MTUS2: variants seen among roughly 807,000 people sequenced by gnomAD.
The protein encoded by MTUS2 is microtubule-associated tumor suppressor candidate 2.
MTUS2 carries 40 observed loss-of-function variants against 114.1 expected under a neutral mutation model. That is an observed-to-expected ratio of 0.35 (90% confidence interval 0.27 to 0.46). MTUS2 has a LOEUF of 0.46. Among genes scored for constraint, MTUS2 ranks in the 20% least tolerant of loss-of-function variants. The pLI, the probability that MTUS2 is intolerant of heterozygous loss-of-function variation, is 1.00. For missense variants in MTUS2, 1,679 were observed against 1,705.4 expected (o/e 0.98, Z 0.27); for synonymous variants, 688 against 672.0 (o/e 1.02, Z -0.37).
At chr13:29,302,549 C>G (rs1337332699) in intron 6 of MTUS2, among the ~76,000 whole-genome samples, 39 of 152,188 alleles carry the variant, frequency 2.6e-4, no homozygotes, top group Admixed American at 2.6e-3. Flanking sequence ...ATCCAGGGTG[C>G]CAAGCAGTGT....
intron 4 of MTUS2, among the ~76,000 whole-genome samples, chr13:29,036,160 AG>A (rs200833694): frequency 0.019 from 2,799 of 147,106 alleles, 112 homozygotes; most frequent in African/African-American, 0.046. Context: ...AAAAAAAGAA[AG>A]AAAAATAAAA....
chr13:29,448,324 T>C (rs955720710), intron 9 of MTUS2, among the ~76,000 whole-genome samples: 4 of 152,158 alleles, frequency 2.6e-5, no homozygotes, highest in African/African-American at 9.7e-5. Context: ...GCAAAACACC[T>C]GTCACGCTCT....
intron 2 of MTUS2, among the ~76,000 whole-genome samples, chr13:28,845,239 C>T (rs775255421): frequency 1.3e-5 from 2 of 152,198 alleles, no homozygotes; most frequent in South Asian, 2.1e-4. Context: ...CGTGAGCCAC[C>T]GCTCCTGGCT....
chr13:28,885,210 GT>G (rs1313643821), intron 2 of MTUS2, among the ~76,000 whole-genome samples: 12 of 152,138 alleles, frequency 7.9e-5, no homozygotes, highest in Admixed American at 5.2e-4. Flanking sequence ...ACATCATCTG[GT>G]AAACATTAGT....
chr13:29,092,192 G>A (rs1258232088), intron 4 of MTUS2, among the ~76,000 whole-genome samples: 1 of 152,198 alleles, frequency 6.6e-6, no homozygotes, highest in Non-Finnish European at 1.5e-5. Flanking sequence ...CCCATGGAAT[G>A]GACTGAGAAC....
intron 8 of MTUS2, among the ~76,000 whole-genome samples, chr13:29,412,388 T>C (rs1165528288): frequency 2.6e-5 from 4 of 152,340 alleles, no homozygotes; most frequent in Admixed American, 2.6e-4. Context: ...TTTTCTAATA[T>C]GGAACCAACC....
chr13:29,203,960 CT>C (rs35269061), intron 5 of MTUS2, among the ~76,000 whole-genome samples: 397 of 144,726 alleles, frequency 2.7e-3, no homozygotes, highest in Non-Finnish European at 2.1e-3. Context: ...GAAGCTGTTA[CT>C]TTTTTTTTTT....
At chr13:29,264,400 T>C (rs1030106257) in intron 5 of MTUS2, among the ~76,000 whole-genome samples, 17 of 152,256 alleles carry the variant, frequency 1.1e-4, no homozygotes, top group Non-Finnish European at 2.5e-4. Context: ...TCTACCATTC[T>C]GGGGTCTGGA....
At chr13:29,486,698 C>T (rs990351551) in intron 10 of MTUS2, among the ~76,000 whole-genome samples, 1 of 152,164 alleles carries the variant, frequency 6.6e-6, no homozygotes, top group African/African-American at 2.4e-5. Context: ...ATAGAGGAAA[C>T]ATTTTTAAAC....
intron 2 of MTUS2, among the ~76,000 whole-genome samples, chr13:28,908,376 G>A (rs894678789): frequency 1.3e-4 from 20 of 151,460 alleles, no homozygotes; most frequent in Middle Eastern, 3.2e-3. Flanking sequence ...CCACCTATGA[G>A]TGAGAACATG....
chr13:28,884,773 AT>A (rs1878494385), intron 2 of MTUS2, among the ~76,000 whole-genome samples: 1 of 152,198 alleles, frequency 6.6e-6, no homozygotes, highest in Admixed American at 6.5e-5. Context: ...ACCTTGCTGC[AT>A]TTTTTGTTAC....
At chr13:28,857,110 G>T (rs984377044) in intron 2 of MTUS2, among the ~76,000 whole-genome samples, 1 of 152,168 alleles carries the variant, frequency 6.6e-6, no homozygotes, top group Non-Finnish European at 1.5e-5. Context: ...GGCATTGAGT[G>T]TATTAAGACA....
intron 9 of MTUS2, among the ~76,000 whole-genome samples, chr13:29,448,333 C>G (rs562307787): frequency 6.4e-4 from 97 of 152,300 alleles, no homozygotes; most frequent in African/African-American, 2.1e-3. Context: ...CTGTCACGCT[C>G]TTTCCTGGGG....
intron 5 of MTUS2, among the ~76,000 whole-genome samples, chr13:29,221,678 T>G (rs1895913980): frequency 6.6e-6 from 1 of 152,130 alleles, no homozygotes; most frequent in Admixed American, 6.5e-5. Flanking sequence ...TTAATTTTAT[T>G]TTTAATCAAA....
chr13:28,897,740 A>T (rs1368517542), intron 2 of MTUS2, among the ~76,000 whole-genome samples: 2 of 152,188 alleles, frequency 1.3e-5, no homozygotes, highest in Non-Finnish European at 2.9e-5. Context: ...TGATGAGTTC[A>T]TGTCCTTTGT....
intron 4 of MTUS2, among the ~76,000 whole-genome samples, chr13:29,098,403 A>C (rs9508272): frequency 6.6e-6 from 1 of 151,948 alleles, no homozygotes; most frequent in South Asian, 2.1e-4. Context: ...CAAAAATTGT[A>C]TGCGCAGAGA....
chr13:28,965,006 G>A (rs1218283800), intron 2 of MTUS2, among the ~76,000 whole-genome samples: 1 of 152,086 alleles, frequency 6.6e-6, no homozygotes, highest in Non-Finnish European at 1.5e-5. Flanking sequence ...CTGATGAGCA[G>A]CGCAGTAATT....
intron 8 of MTUS2, among the ~76,000 whole-genome samples, chr13:29,399,022 A>G (rs1171790474): frequency 1.3e-5 from 2 of 152,178 alleles, no homozygotes; most frequent in Non-Finnish European, 1.5e-5. Flanking sequence ...GTTTATTAAT[A>G]AAGTAGAGGA....
intron 2 of MTUS2, among the ~76,000 whole-genome samples, chr13:28,998,558 A>T (rs140928697): frequency 0.018 from 2,693 of 152,268 alleles, 81 homozygotes; most frequent in African/African-American, 0.061. Flanking sequence ...CTTTTCACAT[A>T]GTCCCATATT....
Sources: gnomAD v4.1 joint callset for allele counts (sites outside exome capture counted in the v4.1 genomes callset) on GRCh38, gnomAD v4.1.1 for gene constraint, MANE v1.5 for transcripts, NCBI Gene and HGNC (gene_info 2026-07-23, HGNC 2026-07-21) for gene names.